Variants in GPR157 observed in about 807,000 individuals in gnomAD.
GPR157 encodes G-protein coupled receptor 157.
Under a neutral mutation model 23.5 loss-of-function variants are expected in GPR157, and 16 were observed. That is an observed-to-expected ratio of 0.68 (90% confidence interval 0.46 to 1.04). The LOEUF is 1.04. Among genes scored for constraint, GPR157 ranks in the 50% least tolerant of loss-of-function variants. The pLI, the probability that GPR157 is intolerant of heterozygous loss-of-function variation, is 0.00. For synonymous variants in GPR157, 200 were observed against 221.5 expected, an observed-to-expected ratio of 0.90 and a Z score of 0.86; for missense variants, 440 against 460.7, an observed-to-expected ratio of 0.96 and a Z score of 0.41.
intron 3 of GPR157, among the ~76,000 whole-genome samples, chr1:9,104,893 C>T (rs749921601): frequency 6.6e-5 from 10 of 151,760 alleles, no homozygotes; most frequent in Non-Finnish European, 8.8e-5. Context: ...CCCAGCGACA[C>T]GGAGGCTGAG....
At position 9,101,213 on chromosome 1, in the gene GPR157, ATT is replaced by A. The variant is rs34535590; in HGVS notation, c.*3204_*3205del. ...CAGGCACACGAAACCACATCCAACT[ATT>A]TTTTTTTTTTTTGTATATTTAGTAG... is the stretch of plus-strand genomic sequence containing the variant. On this transcript the variant is annotated 3_prime_UTR_variant, in exon 4 of 4. Coordinates refer to ENST00000377411, the MANE Select transcript of GPR157 (RefSeq NM_024980.5). 97 of 143,560 alleles carry A rather than the reference ATT, an allele frequency of 6.8e-4. No homozygotes were observed. Among genetic ancestry groups the A allele is most frequent in the African/African-American group, 1.4e-3 (57 of 39,334 alleles). 8.9% of individuals were successfully genotyped at this position (143,560 alleles called of 1,614,324 possible).
intron 1 of GPR157, among the ~76,000 whole-genome samples, chr1:9,119,019 T>G (rs2124522762): frequency 1.4e-5 from 2 of 144,458 alleles, no homozygotes; most frequent in East Asian, 2.0e-4. Context: ...TGGGTGAGAG[T>G]GAGACCCTGC....
chr1:9,112,825 T>C (rs146133940), intron 1 of GPR157, among the ~76,000 whole-genome samples: 2 of 152,316 alleles, frequency 1.3e-5, no homozygotes, highest in East Asian at 3.9e-4. Flanking sequence ...CCTGTGGTCC[T>C]TGAACCAGTC....
chr1:9,123,275 A>T (rs867434984), intron 1 of GPR157, among the ~76,000 whole-genome samples: 4 of 25,148 alleles, frequency 1.6e-4, no homozygotes, highest in Non-Finnish European at 3.9e-4. Flanking sequence ...TATATATTTA[A>T]ATATATATTT....
rs369247784 is a variant in GPR157 at position 9,118,553 on chromosome 1, A to G, written c.384-7064T>C. Among the ~76,000 whole-genome samples the G allele has an allele frequency of 7.9e-5, 12 of 152,310 alleles. No individual in the cohort carries two copies. Among genetic ancestry groups the G allele is most frequent in the African/African-American group, 2.9e-4 (12 of 41,564 alleles). ...GCCTAGAAATGAAAGCCAGACTCCA[A>G]GTCGGCTTCCTTCCCACTCAGAGGC... On this transcript the variant is annotated intron_variant, in intron 1 of 3. Coordinates refer to ENST00000377411, the MANE Select transcript of GPR157 (RefSeq NM_024980.5). The surrounding 1 kb of genome is among the most constrained non-coding windows in gnomAD (Gnocchi z 4.6).
chr1:9,108,171 G>A (rs1239760911), intron 2 of GPR157, among the ~76,000 whole-genome samples: 2 of 152,140 alleles, frequency 1.3e-5, no homozygotes, highest in African/African-American at 4.8e-5. Context: ...AAGGTATTCT[G>A]CCAGCACCTG....
intron 1 of GPR157, among the ~76,000 whole-genome samples, chr1:9,116,450 G>A (rs1410019777): frequency 3.9e-5 from 5 of 127,344 alleles, no homozygotes; most frequent in African/African-American, 1.5e-4. Flanking sequence ...GACACGATGA[G>A]CTTTGAGTAT....
At chr1:9,107,390 G>C (rs1251522387) in intron 2 of GPR157, among the ~76,000 whole-genome samples, 1 of 152,168 alleles carries the variant, frequency 6.6e-6, no homozygotes, top group Non-Finnish European at 1.5e-5. Flanking sequence ...TGAAATTGCA[G>C]CACTTTGGGA....
At chr1:9,115,526 G>T (rs1179855152) in intron 1 of GPR157, among the ~76,000 whole-genome samples, 2 of 151,940 alleles carry the variant, frequency 1.3e-5, no homozygotes, top group African/African-American at 2.4e-5. Context: ...GACATATGTT[G>T]GTTGCTCATG....
chr1:9,114,748 A>G (rs1638598607), intron 1 of GPR157, among the ~76,000 whole-genome samples: 1 of 151,858 alleles, frequency 6.6e-6, no homozygotes, highest in Admixed American at 6.6e-5. Context: ...AGGGTTTTGA[A>G]AGGGTTAAGA....
rs770218905 is a variant in GPR157, at chr1:9,111,499, G to A, written c.384-10C>T. 1 of 1,610,964 alleles carries A rather than the reference G, an allele frequency of 6.2e-7. No homozygotes were observed. The highest frequency in any genetic ancestry group is 2.2e-5 in the East Asian group (1 of 44,808). ...CAACGGGACCCCCCAGCTGAGGAAG[G>A]AGGAGAGAAAGAGGCATCGGGGTCA... On this transcript the variant is annotated splice_polypyrimidine_tract_variant and intron_variant, in intron 1 of 3. Transcript: ENST00000377411.
Position 9,100,318 on chromosome 1 carries a change from A to G in GPR157, c.*4101T>C, listed in dbSNP as rs948219816. ...TTACCAAACACATAGGAGAAAAATA[A>G]TTTATTTATTTAATTTAAAACAGCA... is the stretch of plus-strand genomic sequence containing the variant. On this transcript the variant is annotated 3_prime_UTR_variant, in exon 4 of 4. Transcript: ENST00000377411. 1.3e-5 allele frequency: 2 copies of G among 152,284 alleles called. No homozygotes were observed. The highest frequency in any genetic ancestry group is 2.1e-4 in the South Asian group (1 of 4,828). The allele number at this position is 152,284 out of a possible 1,614,324, so 9.4% of individuals were successfully genotyped here. A position where few individuals can be genotyped will look rare whatever the true frequency, so the allele number is the denominator to read the frequency against.
intron 1 of GPR157, among the ~76,000 whole-genome samples, chr1:9,115,833 GTT>G (rs77482189): frequency 5.1e-5 from 7 of 136,634 alleles, no homozygotes; most frequent in East Asian, 2.1e-4. Context: ...CTGGCCCACA[GTT>G]TTTTTTTTTT....
chr1:9,107,361 A>C (rs1398782406), intron 2 of GPR157, among the ~76,000 whole-genome samples: 2 of 152,082 alleles, frequency 1.3e-5, no homozygotes, highest in Non-Finnish European at 2.9e-5. Flanking sequence ...TTTTTTGGCC[A>C]GGAGTGGTGG....
At position 9,128,477 on chromosome 1, in the gene GPR157, C is replaced by T. The variant is rs1239562572; in HGVS notation, c.383+168G>A. 1 of 704,502 alleles carries T rather than the reference C, an allele frequency of 1.4e-6. No individual in the cohort carries two copies. Among genetic ancestry groups the T allele is most frequent in the South Asian group, 1.6e-5 (1 of 61,906 alleles). 43.6% of individuals were successfully genotyped at this position (704,502 alleles called of 1,614,324 possible). On this transcript the variant is annotated intron_variant, in intron 1 of 3. Transcript: ENST00000377411. This position sits in a 1 kb window ranked among gnomAD's most constrained non-coding sequence, Gnocchi z 6.3. ...CCTTCGGGAGGGAGCGAATCTCGGG[C>T]AAGGCTGGCCTCCTCCCGCTGGCCC...
intron 1 of GPR157, among the ~76,000 whole-genome samples, chr1:9,114,326 CAAAAAA>C (rs58549365): frequency 1.9e-5 from 2 of 103,124 alleles, no homozygotes; most frequent in Admixed American, 1.1e-4. Flanking sequence ...GAGACTGTCT[CAAAAAA>C]AAAAAAAAAA....
At position 9,120,110 on chromosome 1, in the gene GPR157, C is replaced by T. The variant is rs1281837479; in HGVS notation, c.383+8535G>A. The stretch of plus-strand genomic sequence containing the variant: ...CAGGGAGACACACCTCCACTTCACA[C>T]ACAAATGGACAGTTATATTGAAAAG... On this transcript the variant is annotated intron_variant, in intron 1 of 3. Transcript: ENST00000377411. This position sits in a 1 kb window ranked among gnomAD's most constrained non-coding sequence, Gnocchi z 4.1. Among the ~76,000 whole-genome samples, 2 of 152,158 alleles carry T rather than the reference C, an allele frequency of 1.3e-5. No homozygotes were observed. The highest frequency in any genetic ancestry group is 2.9e-5 in the Non-Finnish European group (2 of 68,028).
At chr1:9,112,093 T>C (rs956255048) in intron 1 of GPR157, among the ~76,000 whole-genome samples, 37 of 152,322 alleles carry the variant, frequency 2.4e-4, no homozygotes, top group African/African-American at 8.2e-4. Flanking sequence ...TTCAGGCCTG[T>C]GGTGCAGACA....
intron 1 of GPR157, among the ~76,000 whole-genome samples, chr1:9,112,816 C>G (rs1638542715): frequency 6.6e-6 from 1 of 152,192 alleles, no homozygotes; most frequent in Non-Finnish European, 1.5e-5. Flanking sequence ...GGCCCCTTCC[C>G]TGTGGTCCTT....
Sources: gnomAD v4.1 joint callset for allele counts (sites outside exome capture counted in the v4.1 genomes callset) on GRCh38, gnomAD v4.1.1 for gene constraint, Gnocchi (gnomAD v3.1) non-coding constraint, MANE v1.5 for transcripts, NCBI Gene and HGNC (gene_info 2026-07-23, HGNC 2026-07-21) for gene names.